MAML2: variants seen among roughly 807,000 people sequenced by gnomAD.
MAML2 encodes mastermind-like protein 2.
A neutral mutation model predicts 96.1 loss-of-function variants in MAML2; 22 were observed. The observed-to-expected ratio is 0.23, with a 90% CI of 0.16 to 0.33. MAML2 has a LOEUF of 0.33. Ranked by LOEUF, MAML2 falls within the 10% of genes least tolerant of loss-of-function variation. MAML2 has a pLI of 1.00. For missense variants in MAML2, 1,367 were observed against 1,392.4 expected (o/e 0.98, Z 0.29); for synonymous variants, 561 against 521.3 (o/e 1.08, Z -1.04).
rs550423375 is a variant in MAML2, at chr11:96,322,649, G to A, written c.513+18734C>T. On this transcript the variant is annotated intron_variant, in intron 1 of 4. Transcript: ENST00000524717. The stretch of plus-strand genomic sequence containing the variant: ...GGAGCTTGCAGTGAGCCGAGATCGC[G>A]CCACTGCACTCCACCCTGGGGGCCA... Among the ~76,000 whole-genome samples the A allele has an allele frequency of 7.9e-5, 12 of 152,246 alleles. No homozygotes were observed. The East Asian group carries it at 2.1e-3, about 27-fold the overall frequency.
At chr11:96,322,856 C>T (rs1041742532) in intron 1 of MAML2, among the ~76,000 whole-genome samples, 1 of 152,212 alleles carries the variant, frequency 6.6e-6, no homozygotes, top group African/African-American at 2.4e-5. Flanking sequence ...GCCGGATGTC[C>T]TAGAGTTAGC....
chr11:96,019,104 G>A (rs1858398792), intron 2 of MAML2, among the ~76,000 whole-genome samples: 1 of 151,954 alleles, frequency 6.6e-6, no homozygotes, highest in Non-Finnish European at 1.5e-5. Context: ...AAAATGTGGA[G>A]GTTTTTTGTT....
In MAML2 at chr11:96,180,916, T is replaced by A. The variant is rs1009913277; in HGVS notation, c.514-87399A>T. On this transcript the variant is annotated intron_variant, in intron 1 of 4. Transcript: ENST00000524717. ...GAAAATTACAGTCAAAGGGGGTTTG[T>A]TCTCTGGCGGGTAGGAGTGGGGGTC... Among the ~76,000 whole-genome samples the A allele has an allele frequency of 2.0e-5, 3 of 150,448 alleles. No homozygotes were observed. The East Asian group carries it at 5.9e-4, about 30-fold the overall frequency.
chr11:96,324,427 G>T (rs1471959987), intron 1 of MAML2, among the ~76,000 whole-genome samples: 2 of 152,108 alleles, frequency 1.3e-5, no homozygotes, highest in Non-Finnish European at 2.9e-5. Context: ...TTGAAGATCA[G>T]TATTTCACAT....
At chr11:96,029,961 C>T (rs192285291) in intron 2 of MAML2, among the ~76,000 whole-genome samples, 7 of 152,290 alleles carry the variant, frequency 4.6e-5, no homozygotes, top group East Asian at 1.9e-4. Flanking sequence ...GAGCCAGGCG[C>T]GGTGGCTCAC....
chr11:96,120,431 C>A (rs1302480498), intron 1 of MAML2, among the ~76,000 whole-genome samples: 1 of 152,048 alleles, frequency 6.6e-6, no homozygotes, highest in South Asian at 2.1e-4. Context: ...CCCTGATGAC[C>A]CCAACAGAGG....
intron 1 of MAML2, among the ~76,000 whole-genome samples, chr11:96,114,597 C>A (rs1485212283): frequency 1.3e-5 from 2 of 152,128 alleles, no homozygotes; most frequent in Non-Finnish European, 2.9e-5. Context: ...ATGGGAAAGC[C>A]CAAAATATTT....
Position 96,166,215 on chromosome 11 carries a change from A to C in MAML2, c.514-72698T>G, listed in dbSNP as rs4753741. ...CACACACACACACACACACACACAC[A>C]CCCCACATTATGAAGGACTTTCAGG... On this transcript the variant is annotated intron_variant, in intron 1 of 4. Coordinates refer to ENST00000524717, the MANE Select transcript of MAML2 (RefSeq NM_032427.4). 1.1e-3 allele frequency among the ~76,000 whole-genome samples: 164 copies of C among 145,354 alleles called. 2 individuals are homozygous for C. Among genetic ancestry groups the C allele is most frequent in the South Asian group, 4.0e-3 (18 of 4,526 alleles).
At chr11:96,048,866 C>A (rs992379232) in intron 2 of MAML2, among the ~76,000 whole-genome samples, 3 of 152,194 alleles carry the variant, frequency 2.0e-5, no homozygotes, top group Non-Finnish European at 4.4e-5. Context: ...ATTGCAAATT[C>A]TTTCGTTGCA....
rs1169245931 is a variant in MAML2, at chr11:96,342,445, T to A, written c.-550A>T. 2.5e-6 allele frequency: 1 copy of A among 398,634 alleles called. No homozygotes were observed. Among genetic ancestry groups the A allele is most frequent in the East Asian group, 3.6e-5 (1 of 28,092 alleles). 24.7% of individuals were successfully genotyped at this position (398,634 alleles called of 1,614,324 possible). ...CCAGCAGCCTTGACTTTTCCTCAGG[T>A]TAAATAAAAAACCAAAACAAAACAA... On this transcript the variant is annotated 5_prime_UTR_variant, in exon 1 of 5. Transcript: ENST00000524717.
chr11:96,013,834 T>C (rs634503), intron 2 of MAML2, among the ~76,000 whole-genome samples: 2,947 of 152,206 alleles, frequency 0.019, 95 homozygotes, highest in African/African-American at 0.067. Context: ...AAATAAAACT[T>C]TGCATTCTTT....
intron 1 of MAML2, among the ~76,000 whole-genome samples, chr11:96,131,773 G>A (rs1860552925): frequency 6.6e-6 from 1 of 152,166 alleles, no homozygotes; most frequent in Non-Finnish European, 1.5e-5. Context: ...ACTTTGAGAG[G>A]CTAAGGCAAG....
chr11:96,178,043 T>A (rs374983347), intron 1 of MAML2, among the ~76,000 whole-genome samples: 9,824 of 148,888 alleles, frequency 0.066, 450 homozygotes, highest in Non-Finnish European at 0.094. Context: ...AAAAAATAAA[T>A]ATCACAATTC....
At chr11:96,331,484 G>T (rs561078400) in intron 1 of MAML2, among the ~76,000 whole-genome samples, 5 of 152,084 alleles carry the variant, frequency 3.3e-5, no homozygotes, top group African/African-American at 9.6e-5. Flanking sequence ...GTTCTTGGAG[G>T]CTTTCTCTTT....
At chr11:96,312,250 A>G (rs974834723) in intron 1 of MAML2, among the ~76,000 whole-genome samples, 10 of 145,446 alleles carry the variant, frequency 6.9e-5, no homozygotes, top group Admixed American at 6.1e-4. Context: ...AAAAAGAATG[A>G]GCAAATGCCC....
chr11:96,329,769 CTTTA>C (rs1018421383), intron 1 of MAML2, among the ~76,000 whole-genome samples: 4 of 152,098 alleles, frequency 2.6e-5, no homozygotes, highest in Non-Finnish European at 4.4e-5. Context: ...ATCACTCCTT[CTTTA>C]TTTATTATTT....
intron 1 of MAML2, among the ~76,000 whole-genome samples, chr11:96,220,185 G>A (rs1862113807): frequency 6.6e-6 from 1 of 152,148 alleles, no homozygotes; most frequent in Non-Finnish European, 1.5e-5. Flanking sequence ...ATTCCTTGCT[G>A]TCTAGAGAAG....
At chr11:96,035,641 A>C (rs1471470645) in intron 2 of MAML2, among the ~76,000 whole-genome samples, 1 of 152,210 alleles carries the variant, frequency 6.6e-6, no homozygotes, top group Non-Finnish European at 1.5e-5. Flanking sequence ...GAAGGAAGGA[A>C]GCACAGAGAC....
At chr11:96,162,442 G>T (rs952437630) in intron 1 of MAML2, among the ~76,000 whole-genome samples, 1 of 151,898 alleles carries the variant, frequency 6.6e-6, no homozygotes, top group Admixed American at 6.5e-5. Context: ...GGCTGGGCAC[G>T]GTGGCTCACA....
Sources: allele counts gnomAD v4.1 joint callset (sites outside exome capture counted in the v4.1 genomes callset), GRCh38; gene constraint gnomAD v4.1.1; transcripts MANE v1.5; gene names NCBI Gene and HGNC (gene_info 2026-07-23, HGNC 2026-07-21).